The following GATB variants were observed in gnomAD, a reference collection of about 807,000 sequenced individuals.
GATB encodes glutamyl-tRNA(Gln) amidotransferase subunit B, mitochondrial.
GATB carries 39 observed loss-of-function variants against 62.3 expected under a neutral mutation model. The ratio of observed to expected loss-of-function variants is 0.63; its 90% CI spans 0.48 to 0.82. GATB has a LOEUF of 0.82. Among genes scored for constraint, GATB ranks in the 40% least tolerant of loss-of-function variants. The probability of loss-of-function intolerance (pLI) is 0.00; values close to 1 mark genes in which losing one functional copy is unlikely to be tolerated. For missense variants in GATB, 670 were observed against 684.0 expected, an observed-to-expected ratio of 0.98 and a Z score of 0.23; for synonymous variants, 276 against 258.9, an observed-to-expected ratio of 1.07 and a Z score of -0.63.
intron 2 of GATB, among the ~76,000 whole-genome samples, chr4:151,740,558 A>C (rs1193594788): frequency 2.0e-5 from 3 of 152,242 alleles, no homozygotes; most frequent in African/African-American, 7.2e-5. Flanking sequence ...ATTTTATGGG[A>C]CCACCATCAT....
At chr4:151,694,103 G>A (rs150880003) in intron 9 of GATB, among the ~76,000 whole-genome samples, 15 of 152,276 alleles carry the variant, frequency 9.9e-5, no homozygotes, top group Non-Finnish European at 1.6e-4. Flanking sequence ...CACATGGAAG[G>A]AACCTGAGTT....
intron 9 of GATB, among the ~76,000 whole-genome samples, chr4:151,690,815 C>T (rs562738630): frequency 6.6e-6 from 1 of 152,256 alleles, no homozygotes; most frequent in African/African-American, 2.4e-5. Flanking sequence ...CTAGGGGATA[C>T]ATAGTTTCAG....
At chr4:151,689,417 GC>G (rs964622675) in intron 9 of GATB, among the ~76,000 whole-genome samples, 1 of 152,136 alleles carries the variant, frequency 6.6e-6, no homozygotes, top group Admixed American at 6.5e-5. Context: ...AGCCTTCTGA[GC>G]TGGGCCAGGT....
chr4:151,758,300 AC>A (rs1739877490), intron 2 of GATB, among the ~76,000 whole-genome samples: 1 of 152,120 alleles, frequency 6.6e-6, no homozygotes, highest in Admixed American at 6.5e-5. Flanking sequence ...CTCTTCAGTA[AC>A]CCTTCCTTAA....
chr4:151,680,626 A>T (rs1738120122), intron 10 of GATB, among the ~76,000 whole-genome samples: 1 of 152,256 alleles, frequency 6.6e-6, no homozygotes, highest in Non-Finnish European at 1.5e-5. Context: ...AATTATGGAA[A>T]AGACAACAGT....
chr4:151,688,846 C>CG, intron 9 of GATB, 83 bp from the exon 10 acceptor site: 1 of 1,383,972 alleles, frequency 7.2e-7, no homozygotes. Context: ...CTGAAACTGT[C>CG]CCCTCTGCCT....
chr4:151,732,450 T>TG (rs1739288141), intron 2 of GATB, among the ~76,000 whole-genome samples: 2 of 152,160 alleles, frequency 1.3e-5, no homozygotes, highest in African/African-American at 4.8e-5. Context: ...GCATGTGCTG[T>TG]GTCCACTCAG....
At chr4:151,748,970 C>T (rs1055989606) in intron 2 of GATB, among the ~76,000 whole-genome samples, 3 of 152,204 alleles carry the variant, frequency 2.0e-5, no homozygotes, top group African/African-American at 7.2e-5. Flanking sequence ...TATCATCTCA[C>T]ACCAGTTAGA....
chr4:151,732,124 A>AG (rs1349430635), intron 2 of GATB, among the ~76,000 whole-genome samples: 3 of 120,362 alleles, frequency 2.5e-5, no homozygotes, highest in Admixed American at 8.1e-5. Flanking sequence ...CCGCCCGGCC[A>AG]CCGCCCCGTC....
Position 151,672,774 on chromosome 4 carries a change from G to C in GATB, c.1533C>G (p.Ala511=), listed in dbSNP as rs970374885. 4.2e-5 allele frequency: 68 copies of C among 1,613,884 alleles called. No homozygotes were observed. Among genetic ancestry groups the C allele is most frequent in the Non-Finnish European group, 5.5e-5 (65 of 1,179,946 alleles). The change falls in exon 12 of 13, where the codon GCC becomes GCG. Residue 511 remains alanine, a synonymous_variant. Coordinates refer to ENST00000263985, the MANE Select transcript of GATB (RefSeq NM_004564.3). ...LEQLCHSVME[A]HPQVVMDVKN... is the part of the protein sequence containing the mutation. ...CCGAGATAGTCACCACTTGAGGATG[G>C]GCCTCCATCACAGAGTGGCAGAGCT...
rs1299722371 is a variant in GATB, at chr4:151,697,949, GTGTGTATA to G, written c.1197+3372_1197+3379del. Among the ~76,000 whole-genome samples, 27 of 96,938 alleles carry G rather than the reference GTGTGTATA, an allele frequency of 2.8e-4. 5 individuals are homozygous for G. The highest frequency in any genetic ancestry group is 1.6e-3 in the African/African-American group (25 of 15,254). 63.6% of individuals were successfully genotyped at this position (96,938 alleles called of 152,430 possible). ...CGATTTCATATATATGTGTGTGTGT[GTGTGTATA>G]TATATATATATATATATATATATAT... On this transcript the variant is annotated intron_variant, in intron 9 of 12. Coordinates refer to ENST00000263985, the MANE Select transcript of GATB (RefSeq NM_004564.3).
chr4:151,677,439 T>G lies in GATB; in HGVS notation c.1410+2374A>C, dbSNP rs984622353. 3.3e-5 allele frequency: 5 copies of G among 151,788 alleles called. No homozygotes were observed. In the South Asian group the frequency reaches 1.0e-3, roughly 31 times the overall value. The allele number at this position is 151,788 out of a possible 1,614,324, so 9.4% of individuals were successfully genotyped here. On this transcript the variant is annotated intron_variant, in intron 11 of 12. Transcript: ENST00000263985. ...ACCCTTGCACACTAACAGGTGAGACTGTAAGATGGTGCGGCCATTTTAGAA... is the reference window on the plus strand; with the variant it reads ...ACCCTTGCACACTAACAGGTGAGACGGTAAGATGGTGCGGCCATTTTAGAA...
intron 4 of GATB, 110 bp from the exon 5 acceptor site, chr4:151,716,241 G>T: frequency 1.7e-6 from 2 of 1,149,596 alleles, no homozygotes; most frequent in Non-Finnish European, 2.3e-6. Context: ...CTCTCAGAGT[G>T]GTTCTAGCCT....
At chr4:151,736,918 C>T (rs1739387412) in intron 2 of GATB, among the ~76,000 whole-genome samples, 1 of 152,210 alleles carries the variant, frequency 6.6e-6, no homozygotes. Flanking sequence ...GATTGTGAGG[C>T]CTCCCCAGCC....
intron 2 of GATB, among the ~76,000 whole-genome samples, chr4:151,757,467 ATTT>A (rs745311470): frequency 5.8e-5 from 6 of 103,818 alleles, no homozygotes; most frequent in Non-Finnish European, 3.7e-5. Context: ...CAGCTTCCAG[ATTT>A]TTTTTTTTTT....
chr4:151,753,857 A>G (rs1349746401), intron 2 of GATB, among the ~76,000 whole-genome samples: 5 of 152,202 alleles, frequency 3.3e-5, no homozygotes, highest in Non-Finnish European at 7.3e-5. Context: ...CACTTGCTGC[A>G]TTCTGTTGTC....
chr4:151,691,231 T>A (rs1738359578), intron 9 of GATB, among the ~76,000 whole-genome samples: 1 of 152,156 alleles, frequency 6.6e-6, no homozygotes, highest in Non-Finnish European at 1.5e-5. Context: ...AAGCAAGCAT[T>A]CGACTCAGGA....
chr4:151,686,652 G>GC (rs374250502), intron 10 of GATB, among the ~76,000 whole-genome samples: 11,317 of 70,832 alleles, frequency 0.16, 915 homozygotes, highest in African/African-American at 0.25. Flanking sequence ...TCCCCGCCCC[G>GC]CCCCCCCCCC....
chr4:151,736,814 C>T (rs575497037), intron 2 of GATB, among the ~76,000 whole-genome samples: 9 of 152,278 alleles, frequency 5.9e-5, no homozygotes, highest in African/African-American at 1.4e-4. Flanking sequence ...ATAAGTCTCA[C>T]GAGATCTGAT....
Sources: allele counts gnomAD v4.1 joint callset (sites outside exome capture counted in the v4.1 genomes callset), GRCh38; gene constraint gnomAD v4.1.1; transcripts MANE v1.5; gene names NCBI Gene and HGNC (gene_info 2026-07-23, HGNC 2026-07-21).